DSCAM: variants seen among roughly 807,000 people sequenced by gnomAD.
DSCAM encodes DS cell adhesion molecule, also known as cell adhesion molecule DSCAM.
In DSCAM, 47 loss-of-function variants were observed where a neutral mutation model predicts 217.7. The observed-to-expected ratio is 0.22, with a 90% CI of 0.17 to 0.28. The LOEUF (loss-of-function observed/expected upper bound fraction) is 0.28. Among genes scored for constraint, DSCAM ranks in the 10% least tolerant of loss-of-function variants. The pLI, the probability that DSCAM is intolerant of heterozygous loss-of-function variation, is 1.00. For synonymous variants in DSCAM, 1,056 were observed against 1,015.3 expected (o/e 1.04, Z -0.76); for missense variants, 2,080 against 2,618.3 (o/e 0.79, Z 4.49).
chr21:40,598,505 T>TTG (rs1238897566), intron 3 of DSCAM, among the ~76,000 whole-genome samples: 4 of 135,294 alleles, frequency 3.0e-5, no homozygotes, highest in African/African-American at 8.5e-5. Context: ...CTGTTTTTTT[T>TTG]TTTTTTTTTT....
chr21:40,782,504 G>A (rs7276897), intron 1 of DSCAM, among the ~76,000 whole-genome samples: 99,112 of 152,010 alleles, frequency 0.65, 32,874 homozygotes, highest in South Asian at 0.8. Flanking sequence ...GAGGCGGGAG[G>A]ATCGCTTGAG....
intron 1 of DSCAM, among the ~76,000 whole-genome samples, chr21:40,770,177 G>C (rs566685672): frequency 1.3e-5 from 2 of 152,140 alleles, no homozygotes; most frequent in South Asian, 4.1e-4. Context: ...CTGTATAACT[G>C]GTCTTCATTT....
At chr21:40,778,101 G>T (rs369365429) in intron 1 of DSCAM, among the ~76,000 whole-genome samples, 1 of 152,132 alleles carries the variant, frequency 6.6e-6, no homozygotes, top group African/African-American at 2.4e-5. Flanking sequence ...CAAAAACTGA[G>T]AGGGTATGCC....
chr21:40,175,979 G>A (rs2090725540), intron 15 of DSCAM, among the ~76,000 whole-genome samples: 1 of 151,642 alleles, frequency 6.6e-6, no homozygotes, highest in Non-Finnish European at 1.5e-5. Flanking sequence ...TGTGGAGGGG[G>A]CCACAGCCCC....
chr21:40,265,125 G>A (rs1048950733), intron 11 of DSCAM, among the ~76,000 whole-genome samples: 4 of 152,018 alleles, frequency 2.6e-5, no homozygotes, highest in East Asian at 3.9e-4. Context: ...CCAGGTGGCA[G>A]AGGTTGCAGT....
At chr21:40,642,177 T>A (rs2089890705) in intron 3 of DSCAM, among the ~76,000 whole-genome samples, 1 of 152,154 alleles carries the variant, frequency 6.6e-6, no homozygotes, top group Admixed American at 6.5e-5. Flanking sequence ...GCCCTGGCTG[T>A]TGGACTCCAC....
At chr21:40,523,355 C>T (rs570064117) in intron 3 of DSCAM, among the ~76,000 whole-genome samples, 58 of 152,146 alleles carry the variant, frequency 3.8e-4, no homozygotes, top group African/African-American at 7.7e-4. Context: ...CTAGCGGGCA[C>T]GCACACAAGC....
At chr21:40,127,225 C>G (rs2090103741) in intron 19 of DSCAM, among the ~76,000 whole-genome samples, 1 of 152,136 alleles carries the variant, frequency 6.6e-6, no homozygotes, top group African/African-American at 2.4e-5. Flanking sequence ...AATAACCATC[C>G]TTATGTCCTT....
At chr21:40,615,673 A>G (rs142285277) in intron 3 of DSCAM, among the ~76,000 whole-genome samples, 6 of 152,286 alleles carry the variant, frequency 3.9e-5, no homozygotes, top group African/African-American at 1.4e-4. Flanking sequence ...AGGGTACCTC[A>G]GACCACAGCT....
chr21:40,463,626 G>A (rs1271609816), intron 3 of DSCAM, among the ~76,000 whole-genome samples: 1 of 152,072 alleles, frequency 6.6e-6, no homozygotes, highest in African/African-American at 2.4e-5. Flanking sequence ...ACCTTCATCA[G>A]GACCAGATAA....
chr21:40,470,707 C>T (rs534151547), intron 3 of DSCAM, among the ~76,000 whole-genome samples: 39 of 152,280 alleles, frequency 2.6e-4, no homozygotes, highest in South Asian at 6.2e-4. Context: ...GTTTGCACCA[C>T]CATGTATGGC....
At chr21:40,254,863 A>T (rs560119022) in intron 11 of DSCAM, among the ~76,000 whole-genome samples, 2 of 152,036 alleles carry the variant, frequency 1.3e-5, no homozygotes, top group East Asian at 3.9e-4. Flanking sequence ...GCGTCCTCAG[A>T]GTGGCTTTCC....
chr21:40,763,813 T>C (rs2091360124), intron 1 of DSCAM, among the ~76,000 whole-genome samples: 1 of 152,136 alleles, frequency 6.6e-6, no homozygotes, highest in African/African-American at 2.4e-5. Flanking sequence ...CATCTGATCT[T>C]TGGAAAACGT....
chr21:40,368,275 C>T (rs894760912), intron 4 of DSCAM, among the ~76,000 whole-genome samples: 2 of 152,136 alleles, frequency 1.3e-5, no homozygotes, highest in Admixed American at 6.6e-5. Context: ...ATATTGTGCT[C>T]TCCTTAAAGC....
chr21:40,315,262 G>GGCAT (rs1459762359), intron 8 of DSCAM, among the ~76,000 whole-genome samples: 2 of 152,012 alleles, frequency 1.3e-5, no homozygotes, highest in Non-Finnish European at 2.9e-5. Flanking sequence ...AAATTAGCCA[G>GGCAT]GCATGGTGGC....
At chr21:40,744,210 C>T (rs1352956905) in intron 1 of DSCAM, among the ~76,000 whole-genome samples, 1 of 152,078 alleles carries the variant, frequency 6.6e-6, no homozygotes, top group East Asian at 1.9e-4. Flanking sequence ...CACAGGAACC[C>T]CTGGGAGAGC....
chr21:40,404,765 T>G (rs1050967855), intron 3 of DSCAM, among the ~76,000 whole-genome samples: 1 of 152,260 alleles, frequency 6.6e-6, no homozygotes, highest in Non-Finnish European at 1.5e-5. Flanking sequence ...TGGAGCTCAC[T>G]GTGCTGTCAT....
chr21:40,259,532 G>C lies in DSCAM; in HGVS notation c.2356+16565C>G, dbSNP rs575643038. 3.9e-5 allele frequency among the ~76,000 whole-genome samples: 6 copies of C among 152,266 alleles called. No homozygotes were observed. In the South Asian group the frequency reaches 1.2e-3, roughly 32 times the overall value. On this transcript the variant is annotated intron_variant, in intron 11 of 32. Transcript: ENST00000400454. Reference sequence around the variant, plus strand: ...GAGAATTAGGCCACACCTGTAAAGAGGCGATGCATCTGGGCCCAGAAGTTA... The same window carrying C: ...GAGAATTAGGCCACACCTGTAAAGACGCGATGCATCTGGGCCCAGAAGTTA...
rs566813630 is a variant in DSCAM at position 40,029,761 on chromosome 21, A to T, written c.5686+12610T>A. On this transcript the variant is annotated intron_variant, in intron 32 of 32. Coordinates refer to ENST00000400454, the MANE Select transcript of DSCAM (RefSeq NM_001389.5). ...GTCATGTTGGCTCTGAAATCAAAAC[A>T]AGACACCAGCAGTCCAATCTTCAGA... 2.0e-5 allele frequency among the ~76,000 whole-genome samples: 3 copies of T among 152,240 alleles called. No individual in the cohort carries two copies. The South Asian group carries it at 6.2e-4, about 32-fold the overall frequency.
Sources: allele counts gnomAD v4.1 joint callset (sites outside exome capture counted in the v4.1 genomes callset), GRCh38; gene constraint gnomAD v4.1.1; transcripts MANE v1.5; gene names NCBI Gene and HGNC (gene_info 2026-07-23, HGNC 2026-07-21).